CCDC33: variants seen among roughly 807,000 people sequenced by gnomAD.
The protein encoded by CCDC33 is coiled-coil domain containing 33, also known as coiled-coil domain-containing protein 33.
CCDC33 carries 94 observed loss-of-function variants against 91.9 expected under a neutral mutation model. That is an observed-to-expected ratio of 1.02 (90% CI 0.87 to 1.21). The LOEUF (loss-of-function observed/expected upper bound fraction) is 1.21. Ranked by LOEUF, CCDC33 falls within the 50% of genes most tolerant of loss-of-function variation. The probability of loss-of-function intolerance (pLI) is 0.00; values close to 1 mark genes in which losing one functional copy is unlikely to be tolerated. For missense variants in CCDC33, 940 were observed against 935.5 expected (o/e 1.00, Z -0.06); for synonymous variants, 396 against 374.5 (o/e 1.06, Z -0.66).
intron 7 of CCDC33, among the ~76,000 whole-genome samples, chr15:74,273,830 ATTTT>A (rs34131427): frequency 1.2e-4 from 16 of 132,480 alleles, no homozygotes; most frequent in African/African-American, 4.6e-4. Flanking sequence ...GCAGTCTTGA[ATTTT>A]TTTTTTTTTT....
At chr15:74,330,165 A>C in intron 11 of CCDC33, 24 bp from the exon 12 acceptor site, 1 of 1,567,750 alleles carries the variant, frequency 6.4e-7, no homozygotes, top group South Asian at 1.2e-5. Flanking sequence ...CAGTGGGCTC[A>C]GCTCTGGGCT....
chr15:74,297,395 G>T (rs1173877411), intron 11 of CCDC33, among the ~76,000 whole-genome samples: 1 of 152,156 alleles, frequency 6.6e-6, no homozygotes, highest in African/African-American at 2.4e-5. Flanking sequence ...CTAAGCAGAG[G>T]TAGTAAAGGA....
intron 5 of CCDC33, among the ~76,000 whole-genome samples, chr15:74,271,057 C>G (rs2142428504): frequency 6.6e-6 from 1 of 152,182 alleles, no homozygotes; most frequent in African/African-American, 2.4e-5. Flanking sequence ...TGTTCCAAAC[C>G]AGTACTTCCT....
In CCDC33 at chr15:74,262,043, G is replaced by A. The variant is rs1434352921; in HGVS notation, c.186-397G>A. On this transcript the variant is annotated intron_variant, in intron 2 of 18. Transcript: ENST00000398814. ...AGGCGGGGCATCGCACAGCCACTCT[G>A]CCCAGAGGATTCCTCCCACCGAAAC... Among the ~76,000 whole-genome samples the A allele has an allele frequency of 6.6e-5, 7 of 105,304 alleles. No homozygotes were observed. In the Admixed American group the frequency reaches 7.5e-4, roughly 11 times the overall value. The allele number at this position is 105,304 out of a possible 152,430, so 69.1% of individuals were successfully genotyped here. A position where few individuals can be genotyped will look rare whatever the true frequency, so the allele number is the denominator to read the frequency against.
At chr15:74,323,566 C>T (rs2060248176) in intron 11 of CCDC33, among the ~76,000 whole-genome samples, 1 of 151,902 alleles carries the variant, frequency 6.6e-6, no homozygotes, top group Admixed American at 6.6e-5. Context: ...CTTGCTCTAT[C>T]ACCCAGGCTG....
At chr15:74,266,833 A>T in intron 4 of CCDC33, 46 bp downstream of exon 4, 1 of 1,379,484 alleles carries the variant, frequency 7.2e-7, no homozygotes. Flanking sequence ...GGTGGGAACC[A>T]CCTTGAATGT....
intron 10 of CCDC33, 41 bp downstream of exon 10, chr15:74,281,890 C>A: frequency 6.4e-7 from 1 of 1,556,840 alleles, no homozygotes; most frequent in Non-Finnish European, 8.9e-7. Flanking sequence ...CCAGCAGGCA[C>A]ATGTCAGTGA....
chr15:74,233,145 G>A (rs2075036946), upstream of CCDC33, among the ~76,000 whole-genome samples: 3 of 152,162 alleles, frequency 2.0e-5, no homozygotes, highest in South Asian at 6.2e-4. Context: ...TGCTCTGAAC[G>A]TGTGTGCAGT....
chr15:74,215,148 CG>C (rs575718757), upstream of CCDC33, among the ~76,000 whole-genome samples: 12 of 152,140 alleles, frequency 7.9e-5, no homozygotes, highest in South Asian at 4.2e-4. Context: ...GGGCTGCTGT[CG>C]GGTGGAGCTG....
rs749001335 is a variant in CCDC33 at position 74,218,347 on chromosome 15, C to T, written c.311-150C>T. 5.1e-6 allele frequency: 4 copies of T among 787,400 alleles called. No individual in the cohort carries two copies. Among genetic ancestry groups the T allele is most frequent in the Non-Finnish European group, 5.2e-6 (3 of 573,878 alleles). The allele number at this position is 787,400 out of a possible 1,614,324, so 48.8% of individuals were successfully genotyped here. Reference sequence around the variant, plus strand: ...ATGGGTGGGGCCTAGGAGGGAGTCGCCTACCAGGGAAATCTTAGCCAAGAC... The same window carrying T: ...ATGGGTGGGGCCTAGGAGGGAGTCGTCTACCAGGGAAATCTTAGCCAAGAC... On this transcript the variant is annotated intron_variant, in intron 1 of 2. Transcript: ENST00000635913. This position sits in a 1 kb window ranked among gnomAD's most constrained non-coding sequence, Gnocchi z 4.8.
intron 7 of CCDC33, among the ~76,000 whole-genome samples, chr15:74,279,627 C>T (rs351166): frequency 0.047 from 7,227 of 152,246 alleles, 571 homozygotes; most frequent in African/African-American, 0.16. Context: ...CCTCTGCCCC[C>T]CCGGGTTCAA....
chr15:74,321,063 C>T (rs1445746743), intron 11 of CCDC33, among the ~76,000 whole-genome samples: 6 of 151,940 alleles, frequency 3.9e-5, no homozygotes, highest in East Asian at 3.9e-4. Context: ...AACACTAGTC[C>T]CTTTCAGCAA....
intron 2 of CCDC33, among the ~76,000 whole-genome samples, chr15:74,255,727 C>T (rs990913607): frequency 5.9e-5 from 9 of 152,240 alleles, no homozygotes; most frequent in Admixed American, 2.0e-4. Flanking sequence ...TGGACCGAGG[C>T]GCTCAGTGCC....
intron 7 of CCDC33, among the ~76,000 whole-genome samples, chr15:74,277,610 A>G (rs963786021): frequency 2.6e-5 from 4 of 152,210 alleles, no homozygotes; most frequent in East Asian, 1.9e-4. Context: ...CATCAGCCAC[A>G]GTACCCTCAC....
At chr15:74,314,454 C>A (rs776009649) in intron 11 of CCDC33, among the ~76,000 whole-genome samples, 1 of 152,206 alleles carries the variant, frequency 6.6e-6, no homozygotes, top group Non-Finnish European at 1.5e-5. Context: ...CCTGGCTGCC[C>A]ACTTATAGGG....
At chr15:74,310,002 T>A (rs1042105307) in intron 11 of CCDC33, among the ~76,000 whole-genome samples, 3 of 152,020 alleles carry the variant, frequency 2.0e-5, no homozygotes, top group African/African-American at 7.2e-5. Context: ...TTTTAAAAAA[T>A]TAACCAAGCA....
At chr15:74,263,562 A>C (rs2076084770) in intron 3 of CCDC33, among the ~76,000 whole-genome samples, 1 of 152,206 alleles carries the variant, frequency 6.6e-6, no homozygotes. Context: ...AAGCCAGATA[A>C]TTTTTCTTTT....
At chr15:74,278,745 G>C (rs146326279) in intron 7 of CCDC33, among the ~76,000 whole-genome samples, 6 of 152,342 alleles carry the variant, frequency 3.9e-5, no homozygotes, top group Non-Finnish European at 5.9e-5. Flanking sequence ...TTCCTTTAAG[G>C]AGGCTTTTCT....
intron 11 of CCDC33, among the ~76,000 whole-genome samples, chr15:74,321,349 C>T (rs1431504907): frequency 6.6e-6 from 1 of 151,426 alleles, no homozygotes; most frequent in Non-Finnish European, 1.5e-5. Flanking sequence ...CCCACCCCCG[C>T]CTGCCCCCCA....
Sources: gnomAD v4.1 joint callset for allele counts (sites outside exome capture counted in the v4.1 genomes callset) on GRCh38, gnomAD v4.1.1 for gene constraint, Gnocchi (gnomAD v3.1) non-coding constraint, MANE v1.5 for transcripts, NCBI Gene and HGNC (gene_info 2026-07-23, HGNC 2026-07-21) for gene names.